CNTN5: variants seen among roughly 807,000 people sequenced by gnomAD.
CNTN5 encodes the protein contactin 5.
In CNTN5, 77 loss-of-function variants were observed where a neutral mutation model predicts 129.1. The ratio of observed to expected loss-of-function variants is 0.60; its 90% confidence interval spans 0.50 to 0.72. The LOEUF is 0.72. Ranked by LOEUF, CNTN5 falls within the 30% of genes least tolerant of loss-of-function variation. The probability of loss-of-function intolerance (pLI) is 0.00; values close to 1 mark genes in which losing one functional copy is unlikely to be tolerated. For synonymous variants in CNTN5, 509 were observed against 465.6 expected, an observed-to-expected ratio of 1.09 and a Z score of -1.20; for missense variants, 1,478 against 1,328.8, an observed-to-expected ratio of 1.11 and a Z score of -1.75.
At chr11:99,587,506 G>C (rs1228024832) in intron 3 of CNTN5, among the ~76,000 whole-genome samples, 1 of 152,178 alleles carries the variant, frequency 6.6e-6, no homozygotes, top group Non-Finnish European at 1.5e-5. Context: ...CCTACAGTTT[G>C]ATGCTGTTTG....
At chr11:100,142,668 T>C (rs1190719429) in intron 13 of CNTN5, among the ~76,000 whole-genome samples, 1 of 152,192 alleles carries the variant, frequency 6.6e-6, no homozygotes, top group Non-Finnish European at 1.5e-5. Flanking sequence ...GCTGTTGCTG[T>C]TGTTAACAGC....
intron 1 of CNTN5, among the ~76,000 whole-genome samples, chr11:99,050,287 A>G (rs1192165136): frequency 2.0e-5 from 3 of 152,100 alleles, no homozygotes; most frequent in African/African-American, 7.2e-5. Flanking sequence ...ATAATTTGAA[A>G]GGCAAACTAA....
intron 3 of CNTN5, among the ~76,000 whole-genome samples, chr11:99,801,551 TTTC>T (rs1368628215): frequency 6.6e-6 from 1 of 152,222 alleles, no homozygotes; most frequent in African/African-American, 2.4e-5. Flanking sequence ...ATTTTCTCCT[TTTC>T]TTTCAGGAAT....
intron 1 of CNTN5, among the ~76,000 whole-genome samples, chr11:99,111,708 GA>G (rs1350473708): frequency 6.6e-6 from 1 of 151,732 alleles, no homozygotes; most frequent in Non-Finnish European, 1.5e-5. Context: ...AATTCACATG[GA>G]AATAAAATTT....
intron 3 of CNTN5, among the ~76,000 whole-genome samples, chr11:99,661,492 A>C (rs1952590450): frequency 6.6e-6 from 1 of 152,098 alleles, no homozygotes; most frequent in Non-Finnish European, 1.5e-5. Context: ...TAATAATCTT[A>C]GATCCATTTA....
chr11:99,233,870 C>A (rs149089663), intron 1 of CNTN5, among the ~76,000 whole-genome samples: 5 of 151,936 alleles, frequency 3.3e-5, no homozygotes, highest in South Asian at 2.1e-4. Context: ...GGTGTGAACC[C>A]GGAAGGCGGA....
In CNTN5 at chr11:99,889,322, G is replaced by GTT. The variant is rs1269731186; in HGVS notation, c.578-26731_578-26730insTT. 2.6e-4 allele frequency among the ~76,000 whole-genome samples: 19 copies of GTT among 73,312 alleles called. 1 individual carries two copies. In the South Asian group the frequency reaches 3.6e-3, roughly 14 times the overall value. The allele number at this position is 73,312 out of a possible 152,430, so 48.1% of individuals were successfully genotyped here. On this transcript the variant is annotated intron_variant, in intron 6 of 24. Coordinates refer to ENST00000524871, the MANE Select transcript of CNTN5 (RefSeq NM_014361.4). Reference sequence around the variant, plus strand: ...TGTGTGTGTGTGTGTGTGTGTGTGTGTGTGTGTGTGTGTGTGTGTGTGTGT... The same window carrying GTT: ...TGTGTGTGTGTGTGTGTGTGTGTGTGTTTGTGTGTGTGTGTGTGTGTGTGTGT...
intron 1 of CNTN5, among the ~76,000 whole-genome samples, chr11:99,100,081 GA>G (rs983371132): frequency 5.9e-5 from 9 of 151,856 alleles, no homozygotes; most frequent in African/African-American, 1.9e-4. Flanking sequence ...AAACATTTGG[GA>G]AAAAAATTTT....
intron 1 of CNTN5, among the ~76,000 whole-genome samples, chr11:99,140,397 G>C (rs1446980829): frequency 6.6e-6 from 1 of 151,902 alleles, no homozygotes; most frequent in African/African-American, 2.4e-5. Flanking sequence ...TGGTTCTCTA[G>C]GTACAGAATC....
chr11:99,336,885 A>G (rs1455442645), intron 2 of CNTN5, among the ~76,000 whole-genome samples: 1 of 152,178 alleles, frequency 6.6e-6, no homozygotes, highest in African/African-American at 2.4e-5. Context: ...GTAGATATAG[A>G]AAGAAGATCA....
chr11:99,648,519 A>T (rs1453879176), intron 3 of CNTN5, among the ~76,000 whole-genome samples: 1 of 151,882 alleles, frequency 6.6e-6, no homozygotes, highest in African/African-American at 2.4e-5. Context: ...AGGTTCCTTA[A>T]AGAACTAAAA....
rs1489443507 is a variant in CNTN5, at chr11:99,104,629, TAC to T, written c.-210+83370_-210+83371del. On this transcript the variant is annotated intron_variant, in intron 1 of 24. Transcript: ENST00000524871. Reference sequence around the variant, plus strand: ...TACAATGTGTGTGTATATATATATATACACACACACACGTGTATATATATATA... The same window carrying T: ...TACAATGTGTGTGTATATATATATATACACACACACGTGTATATATATATA... Among the ~76,000 whole-genome samples, 329 of 106,400 alleles carry T rather than the reference TAC, an allele frequency of 3.1e-3. 1 individual carries two copies. Among genetic ancestry groups the T allele is most frequent in the African/African-American group, 0.013 (306 of 23,494 alleles). 69.8% of individuals were successfully genotyped at this position (106,400 alleles called of 152,430 possible).
chr11:100,159,317 A>G (rs1343191299), intron 13 of CNTN5, among the ~76,000 whole-genome samples: 1 of 151,894 alleles, frequency 6.6e-6, no homozygotes, highest in African/African-American at 2.4e-5. Context: ...ATGATTACAT[A>G]GGTGTTCCCT....
intron 3 of CNTN5, among the ~76,000 whole-genome samples, chr11:99,766,214 CTGGAAGTTGCCT>C (rs1944749523): frequency 6.6e-6 from 1 of 152,004 alleles, no homozygotes; most frequent in African/African-American, 2.4e-5. Flanking sequence ...AAAGGTATTT[CTGGAAGTTGCCT>C]TGATTGGAAT....
At chr11:99,810,553 A>G in intron 3 of CNTN5, among the ~76,000 whole-genome samples, 1 of 152,278 alleles carries the variant, frequency 6.6e-6, no homozygotes, top group Middle Eastern at 3.4e-3. Context: ...TGCTGAGTTG[A>G]GACATAGAGT....
intron 1 of CNTN5, among the ~76,000 whole-genome samples, chr11:99,177,311 C>G (rs1857825345): frequency 1.3e-5 from 2 of 152,242 alleles, no homozygotes; most frequent in African/African-American, 2.4e-5. Flanking sequence ...TTGTCCCTCT[C>G]CACTATATAA....
At chr11:99,966,356 G>C (rs1951093303) in intron 8 of CNTN5, among the ~76,000 whole-genome samples, 1 of 152,164 alleles carries the variant, frequency 6.6e-6, no homozygotes, top group East Asian at 1.9e-4. Flanking sequence ...TTTATCCCCA[G>C]AGAGCAGGAT....
intron 7 of CNTN5, among the ~76,000 whole-genome samples, chr11:99,919,655 T>G (rs11221903): frequency 0.067 from 10,156 of 152,202 alleles, 604 homozygotes; most frequent in East Asian, 0.27. Context: ...CAATGAGTTT[T>G]GGTACATTTA....
intron 2 of CNTN5, among the ~76,000 whole-genome samples, chr11:99,540,220 A>G (rs1948052156): frequency 6.6e-6 from 1 of 152,222 alleles, no homozygotes; most frequent in Admixed American, 6.5e-5. Flanking sequence ...AAGGCCTAAG[A>G]ACTAATGATA....
Sources: gnomAD v4.1 joint callset for allele counts (sites outside exome capture counted in the v4.1 genomes callset) on GRCh38, gnomAD v4.1.1 for gene constraint, MANE v1.5 for transcripts, NCBI Gene and HGNC (gene_info 2026-07-23, HGNC 2026-07-21) for gene names.